TBC1D22B: variants seen among roughly 807,000 people sequenced by gnomAD.
The protein encoded by TBC1D22B is chromosome 6 open reading frame 197.
Under a neutral mutation model 69.1 loss-of-function variants are expected in TBC1D22B, and 32 were observed. The ratio of observed to expected loss-of-function variants is 0.46; its 90% CI spans 0.35 to 0.62. The LOEUF is 0.62. Ranked by LOEUF, TBC1D22B falls within the 20% of genes least tolerant of loss-of-function variation. TBC1D22B has a pLI of 0.00. For missense variants in TBC1D22B, 462 were observed against 630.9 expected, an observed-to-expected ratio of 0.73 and a Z score of 2.87; for synonymous variants, 206 against 229.8, an observed-to-expected ratio of 0.90 and a Z score of 0.94.
At chr6:37,266,243 C>A (rs1409914426) in intron 1 of TBC1D22B, among the ~76,000 whole-genome samples, 1 of 152,212 alleles carries the variant, frequency 6.6e-6, no homozygotes, top group African/African-American at 2.4e-5. Context: ...GTCCCATCAT[C>A]TTCCAGTCAT....
At chr6:37,293,222 C>T (rs1340204968) in intron 8 of TBC1D22B, among the ~76,000 whole-genome samples, 3 of 151,662 alleles carry the variant, frequency 2.0e-5, no homozygotes, top group Admixed American at 6.6e-5. Flanking sequence ...GGACTACAGG[C>T]GCCTGCCACC....
At chr6:37,316,938 C>G in intron 11 of TBC1D22B, 108 bp downstream of exon 11, 1 of 1,567,534 alleles carries the variant, frequency 6.4e-7, no homozygotes, top group African/African-American at 1.4e-5. Context: ...CTCCTCTTTT[C>G]TACTTCCATG....
At chr6:37,308,491 G>C (rs991496366) in intron 8 of TBC1D22B, among the ~76,000 whole-genome samples, 2 of 152,162 alleles carry the variant, frequency 1.3e-5, no homozygotes, top group Admixed American at 6.6e-5. Flanking sequence ...CCCACTCTCT[G>C]AAGTGCTGGG....
chr6:37,313,729 C>A, intron 9 of TBC1D22B, 87 bp from the exon 10 acceptor site: 1 of 1,296,476 alleles, frequency 7.7e-7, no homozygotes. Context: ...TGGAAAATGG[C>A]CTGAACTTCT....
chr6:37,260,793 T>A (rs981902422), intron 1 of TBC1D22B, among the ~76,000 whole-genome samples: 2 of 152,224 alleles, frequency 1.3e-5, no homozygotes, highest in African/African-American at 4.8e-5. Context: ...ATTTCAGGCT[T>A]GTCCACGCTG....
chr6:37,259,482 A>G (rs1032369960), intron 1 of TBC1D22B, among the ~76,000 whole-genome samples: 13 of 152,176 alleles, frequency 8.5e-5, no homozygotes, highest in Admixed American at 1.3e-4. Context: ...AGACTGTTGT[A>G]TCAGGAAGCA....
At position 37,287,091 on chromosome 6, in the gene TBC1D22B, G is replaced by C; in HGVS notation, c.867+19G>C. 1.3e-6 allele frequency: 2 copies of C among 1,585,074 alleles called. No individual in the cohort carries two copies. Among genetic ancestry groups the C allele is most frequent in the Non-Finnish European group, 8.6e-7 (1 of 1,168,240 alleles). On this transcript the variant is annotated intron_variant, in intron 7 of 12. Coordinates refer to ENST00000373491, the MANE Select transcript of TBC1D22B (RefSeq NM_017772.4). ...ACAGGAGGTGAGGGAATTACTTAAT[G>C]TTCTTTGGCGCTTCTCCCCGCATAG...
At chr6:37,275,395 G>A (rs905294505) in intron 2 of TBC1D22B, among the ~76,000 whole-genome samples, 10 of 152,116 alleles carry the variant, frequency 6.6e-5, no homozygotes, top group Admixed American at 2.6e-4. Flanking sequence ...TAGTTGGGGA[G>A]AATTATAGCT....
chr6:37,316,899 G>A (rs1007512742), intron 11 of TBC1D22B, 69 bp downstream of exon 11: 225 of 1,606,248 alleles, frequency 1.4e-4, no homozygotes, highest in Non-Finnish European at 1.8e-4. Context: ...GCCATGTTGT[G>A]GAATGTAGCT....
intron 8 of TBC1D22B, among the ~76,000 whole-genome samples, chr6:37,311,201 C>G (rs1185907830): frequency 6.7e-6 from 1 of 148,562 alleles, no homozygotes; most frequent in Non-Finnish European, 1.5e-5. Context: ...TTTTTTAGGT[C>G]ATTCCTAGAG....
chr6:37,279,676 G>T, intron 3 of TBC1D22B, 65 bp downstream of exon 3: 2 of 1,504,040 alleles, frequency 1.3e-6, no homozygotes, highest in Non-Finnish European at 1.8e-6. Context: ...AAATAAAAGC[G>T]ATTTTTCTTT....
At position 37,323,763 on chromosome 6, in the gene TBC1D22B, A is replaced by G. The variant is rs367592759; in HGVS notation, c.1389+6557A>G. Among the ~76,000 whole-genome samples, 208 of 152,344 alleles carry G rather than the reference A, an allele frequency of 1.4e-3. 1 individual carries two copies. Among genetic ancestry groups the G allele is most frequent in the African/African-American group, 4.7e-3 (197 of 41,580 alleles). ...CCGAATGGAGGCCCTGTCTTTACAG[A>G]CATTTGGTGAATTGCCAGTTTGAAT... On this transcript the variant is annotated intron_variant, in intron 12 of 12. Transcript: ENST00000373491.
chr6:37,271,033 C>T (rs1312420287), intron 2 of TBC1D22B, among the ~76,000 whole-genome samples: 1 of 152,082 alleles, frequency 6.6e-6, no homozygotes, highest in Non-Finnish European at 1.5e-5. Flanking sequence ...GTGGATACTG[C>T]CAGGCGCAGT....
intron 8 of TBC1D22B, among the ~76,000 whole-genome samples, chr6:37,301,409 C>A (rs1251952684): frequency 6.6e-6 from 1 of 152,170 alleles, no homozygotes; most frequent in African/African-American, 2.4e-5. Flanking sequence ...GCCTCCCATC[C>A]CGTGTATCCC....
At chr6:37,291,442 C>A in intron 8 of TBC1D22B, 85 bp downstream of exon 8, 2 of 966,824 alleles carry the variant, frequency 2.1e-6, no homozygotes, top group East Asian at 2.6e-5. Context: ...AGAGTCCAGC[C>A]AGTAGGTATG....
At chr6:37,290,825 G>A (rs149926233) in intron 7 of TBC1D22B, among the ~76,000 whole-genome samples, 1,830 of 147,030 alleles carry the variant, frequency 0.012, 31 homozygotes, top group Middle Eastern at 0.045. Context: ...ATCCTATAAT[G>A]ACCAAAAAAA....
intron 6 of TBC1D22B, among the ~76,000 whole-genome samples, chr6:37,285,415 C>T (rs2113744257): frequency 6.6e-6 from 1 of 150,758 alleles, no homozygotes; most frequent in East Asian, 2.0e-4. Context: ...GCCCCCACCT[C>T]CTGGATTCAG....
At chr6:37,272,897 A>C (rs1309124946) in intron 2 of TBC1D22B, among the ~76,000 whole-genome samples, 1 of 152,210 alleles carries the variant, frequency 6.6e-6, no homozygotes, top group Non-Finnish European at 1.5e-5. Context: ...GATATTGAGT[A>C]AGCAACAATG....
chr6:37,321,277 G>A (rs1768235882), intron 12 of TBC1D22B, among the ~76,000 whole-genome samples: 1 of 151,794 alleles, frequency 6.6e-6, no homozygotes, highest in Admixed American at 6.6e-5. Flanking sequence ...CTGAACCACT[G>A]TGCTTTGCTG....
Sources: gnomAD v4.1 joint callset for allele counts (sites outside exome capture counted in the v4.1 genomes callset) on GRCh38, gnomAD v4.1.1 for gene constraint, MANE v1.5 for transcripts, NCBI Gene and HGNC (gene_info 2026-07-23, HGNC 2026-07-21) for gene names.